The following ENTREP2 variants were observed in gnomAD, a reference collection of about 807,000 sequenced individuals.
ENTREP2 encodes endosomal transmembrane epsin interactor 2, also known as protein ENTREP2.
chr15:29,153,254 C>T, the ENTREP2 span, among the ~76,000 whole-genome samples: 23 of 151,868 alleles, frequency 1.5e-4, no homozygotes, highest in African/African-American at 5.6e-4. Flanking sequence ...TGTAGCTTGT[C>T]TTTTCATGTT....
chr15:29,196,173 C>A, the ENTREP2 span, among the ~76,000 whole-genome samples: 6 of 152,132 alleles, frequency 3.9e-5, no homozygotes. Flanking sequence ...CTCTTTCAAC[C>A]ATTTGCATCC....
chr15:29,337,755 G>C, the ENTREP2 span, among the ~76,000 whole-genome samples: 1 of 152,102 alleles, frequency 6.6e-6, no homozygotes, highest in Non-Finnish European at 1.5e-5. Context: ...ACGTCATTCA[G>C]TTTTCACAAC....
chr15:29,350,571 T>C, the ENTREP2 span, among the ~76,000 whole-genome samples: 1 of 152,194 alleles, frequency 6.6e-6, no homozygotes, highest in Non-Finnish European at 1.5e-5. Flanking sequence ...TTGTGAAATG[T>C]GAAAAGTAAC....
At chr15:29,197,287 T>A in the ENTREP2 span, among the ~76,000 whole-genome samples, 1 of 152,074 alleles carries the variant, frequency 6.6e-6, no homozygotes, top group Non-Finnish European at 1.5e-5. Flanking sequence ...AAAGCAGCTT[T>A]AAAAAAGTAA....
At chr15:29,363,238 A>G in the ENTREP2 span, among the ~76,000 whole-genome samples, 3 of 152,358 alleles carry the variant, frequency 2.0e-5, no homozygotes, top group Non-Finnish European at 4.4e-5. Context: ...CCGAATAAAT[A>G]ATGACTCCAA....
the ENTREP2 span, chr15:29,252,416 G>A: frequency 3.9e-6 from 6 of 1,551,246 alleles, no homozygotes; most frequent in Admixed American, 2.0e-5. Context: ...TCTGACAAGA[G>A]AGAATTGAAC....
the ENTREP2 span, among the ~76,000 whole-genome samples, chr15:29,572,163 T>G: frequency 1.3e-5 from 2 of 152,158 alleles, no homozygotes; most frequent in Non-Finnish European, 2.9e-5. Context: ...TTAGCAGGGA[T>G]GGGATTTATT....
At chr15:29,213,510 C>T in the ENTREP2 span, among the ~76,000 whole-genome samples, 40 of 152,184 alleles carry the variant, frequency 2.6e-4, no homozygotes, top group African/African-American at 9.6e-4. Flanking sequence ...CTTCACATCC[C>T]TTGTAAGTTG....
the ENTREP2 span, among the ~76,000 whole-genome samples, chr15:29,633,670 G>A: frequency 6.6e-6 from 1 of 152,048 alleles, no homozygotes; most frequent in Non-Finnish European, 1.5e-5. Context: ...TTGTGAAATG[G>A]GGTGAGGGGG....
At chr15:29,293,519 G>C in the ENTREP2 span, among the ~76,000 whole-genome samples, 1 of 151,990 alleles carries the variant, frequency 6.6e-6, no homozygotes, top group South Asian at 2.1e-4. Flanking sequence ...GCCTCCCAAA[G>C]TGCTGGGATT....
At chr15:29,401,258 A>T in the ENTREP2 span, among the ~76,000 whole-genome samples, 1 of 152,256 alleles carries the variant, frequency 6.6e-6, no homozygotes. Flanking sequence ...CAAATAGGAA[A>T]AATATTTATA....
At chr15:29,449,390 G>A in the ENTREP2 span, among the ~76,000 whole-genome samples, 7,404 of 152,304 alleles carry the variant, frequency 0.049, 240 homozygotes, top group Non-Finnish European at 0.076. Flanking sequence ...GGAGGTGGAA[G>A]ATGAAGGCTT....
the ENTREP2 span, among the ~76,000 whole-genome samples, chr15:29,425,096 T>C: frequency 6.6e-6 from 1 of 152,124 alleles, no homozygotes; most frequent in Admixed American, 6.6e-5. Flanking sequence ...TGGCATGATC[T>C]CCACTCACTG....
At chr15:29,510,013 G>A in the ENTREP2 span, among the ~76,000 whole-genome samples, 2 of 152,142 alleles carry the variant, frequency 1.3e-5, no homozygotes, top group Non-Finnish European at 2.9e-5. Context: ...ATCTGACAAA[G>A]GGGTAATATC....
the ENTREP2 span, among the ~76,000 whole-genome samples, chr15:29,578,250 GAAAACA>G: frequency 6.6e-6 from 1 of 152,204 alleles, no homozygotes; most frequent in Non-Finnish European, 1.5e-5. Flanking sequence ...AGCCAACGTG[GAAAACA>G]GTCTGGCTGT....
At chr15:29,155,269 G>A in the ENTREP2 span, among the ~76,000 whole-genome samples, 2 of 145,810 alleles carry the variant, frequency 1.4e-5, no homozygotes, top group African/African-American at 5.2e-5. Context: ...GCAACAGAAC[G>A]AGACTCCATC....
the ENTREP2 span, among the ~76,000 whole-genome samples, chr15:29,407,600 G>A: frequency 0.027 from 4,175 of 152,236 alleles, 195 homozygotes; most frequent in African/African-American, 0.096. Context: ...GGCACAGCCA[G>A]GTAAGGAGGG....
chr15:29,537,855 T>G, the ENTREP2 span, among the ~76,000 whole-genome samples: 1 of 152,090 alleles, frequency 6.6e-6, no homozygotes, highest in African/African-American at 2.4e-5. Context: ...TCCGCTGGCC[T>G]CCTTGCTGTC....
chr15:29,223,330 G>A, the ENTREP2 span, among the ~76,000 whole-genome samples: 1 of 152,174 alleles, frequency 6.6e-6, no homozygotes, highest in Non-Finnish European at 1.5e-5. Flanking sequence ...GCTGGAGAGA[G>A]TTTGTCTGGC....
Sources: gnomAD v4.1 joint callset for allele counts (sites outside exome capture counted in the v4.1 genomes callset) on GRCh38, gnomAD v4.1.1 for gene constraint, MANE v1.5 for transcripts, NCBI Gene and HGNC (gene_info 2026-07-23, HGNC 2026-07-21) for gene names.